FER1L6: variants seen among roughly 807,000 people sequenced by gnomAD.
FER1L6 encodes fer-1-like protein 6.
In FER1L6, 177 loss-of-function variants were observed where a neutral mutation model predicts 219.2. The ratio of observed to expected loss-of-function variants is 0.81; its 90% CI spans 0.71 to 0.91. The LOEUF is 0.91. FER1L6 is among the 40% of genes least tolerant of loss of function. The pLI, the probability that FER1L6 is intolerant of heterozygous loss-of-function variation, is 0.00. For synonymous variants in FER1L6, 768 were observed against 824.3 expected (o/e 0.93, Z 1.17); for missense variants, 2,153 against 2,259.9 (o/e 0.95, Z 0.96).
chr8:124,055,719 T>C (rs1820263446), intron 22 of FER1L6, among the ~76,000 whole-genome samples: 1 of 152,162 alleles, frequency 6.6e-6, no homozygotes, highest in Non-Finnish European at 1.5e-5. Context: ...ATTGCTGCTC[T>C]AACAAATGAC....
intron 9 of FER1L6, 37 bp from the exon 10 acceptor site, chr8:123,977,380 C>T: frequency 6.3e-7 from 1 of 1,580,240 alleles, no homozygotes; most frequent in South Asian, 1.1e-5. Flanking sequence ...TCAGTCAGTC[C>T]CTTCCATGAC....
Position 123,966,044 on chromosome 8 carries a change from A to G in FER1L6, c.235A>G (p.Arg79Gly), listed in dbSNP as rs1442595341. 3 of 1,613,730 alleles carry G rather than the reference A, an allele frequency of 1.9e-6. No homozygotes were observed. Among genetic ancestry groups the G allele is most frequent in the Non-Finnish European group, 1.7e-6 (2 of 1,179,774 alleles). The change falls in exon 4 of 41, where the codon AGA (arginine) becomes GGA (glycine). Residue 79 changes from arginine (R) to glycine (G), a missense_variant. Physicochemically the swap from Arg to Gly is moderately radical, Grantham distance 125 (BLOSUM62 -2). Transcript: ENST00000522917. ...GACTAAGATCCATGATGGGGAGGTC[A>G]GATCCCAAAATTATCAAGTAAGTGA... The part of the protein sequence containing the change: ...LLTKIHDGEV[R>G]SQNYQIAITI...
intron 1 of FER1L6, among the ~76,000 whole-genome samples, chr8:123,919,993 A>G (rs1813311396): frequency 6.6e-6 from 1 of 152,226 alleles, no homozygotes; most frequent in Non-Finnish European, 1.5e-5. Context: ...CCCCTGGCAC[A>G]TGTACACTGT....
At chr8:124,098,936 T>A (rs935355347) in intron 37 of FER1L6, among the ~76,000 whole-genome samples, 4 of 152,238 alleles carry the variant, frequency 2.6e-5, no homozygotes, top group African/African-American at 9.6e-5. Flanking sequence ...TGGTCTTATG[T>A]TTTAAAAAAT....
intron 38 of FER1L6, among the ~76,000 whole-genome samples, chr8:124,102,409 G>A (rs936547537): frequency 6.6e-6 from 1 of 152,176 alleles, no homozygotes; most frequent in African/African-American, 2.4e-5. Flanking sequence ...ACGTTTATAT[G>A]TATAGGAGAA....
chr8:124,103,028 G>C (rs964212650), intron 38 of FER1L6, 118 bp from the exon 39 acceptor site: 14 of 933,412 alleles, frequency 1.5e-5, no homozygotes, highest in Non-Finnish European at 2.2e-5. Context: ...ATCCAATATG[G>C]TACTGATTGA....
intron 15 of FER1L6, among the ~76,000 whole-genome samples, chr8:124,015,432 GAGGC>G (rs1351497514): frequency 6.6e-6 from 1 of 151,682 alleles, no homozygotes; most frequent in African/African-American, 2.4e-5. Context: ...CATCTGATGA[GAGGC>G]AGGGAGTAGC....
At chr8:123,936,066 G>A (rs183327377) in intron 1 of FER1L6, among the ~76,000 whole-genome samples, 1 of 152,274 alleles carries the variant, frequency 6.6e-6, no homozygotes, top group African/African-American at 2.4e-5. Context: ...TTGGCTGAGG[G>A]TGTGGAAAGG....
intron 27 of FER1L6, among the ~76,000 whole-genome samples, chr8:124,067,173 C>T (rs753320873): frequency 8.5e-5 from 13 of 152,238 alleles, no homozygotes; most frequent in African/African-American, 1.4e-4. Context: ...AAAATTACTC[C>T]GATGTTGTAT....
intron 1 of FER1L6, among the ~76,000 whole-genome samples, chr8:123,894,098 A>C (rs1295785139): frequency 6.6e-6 from 1 of 152,158 alleles, no homozygotes; most frequent in Non-Finnish European, 1.5e-5. Flanking sequence ...ATAAACATAG[A>C]AACTGACCCT....
At chr8:123,904,395 C>T (rs191429120) in intron 1 of FER1L6, among the ~76,000 whole-genome samples, 284 of 151,864 alleles carry the variant, frequency 1.9e-3, no homozygotes, top group African/African-American at 6.4e-3. Flanking sequence ...ACTGCACACC[C>T]GCCAGCCCCC....
chr8:123,908,680 A>T (rs1813000837), intron 1 of FER1L6, among the ~76,000 whole-genome samples: 1 of 152,222 alleles, frequency 6.6e-6, no homozygotes, highest in Non-Finnish European at 1.5e-5. Flanking sequence ...GATGAATAAG[A>T]TTGCTCATAA....
chr8:124,069,500 G>A, intron 29 of FER1L6, 25 bp downstream of exon 29: 1 of 1,527,990 alleles, frequency 6.5e-7, no homozygotes, highest in Non-Finnish European at 9.0e-7. Context: ...AGGCATCTCT[G>A]CCATGGATGG....
intron 1 of FER1L6, among the ~76,000 whole-genome samples, chr8:123,914,597 G>T (rs1383098353): frequency 6.6e-6 from 1 of 152,188 alleles, no homozygotes; most frequent in African/African-American, 2.4e-5. Context: ...CTGTGACCAG[G>T]ATCTGGATAA....
At chr8:124,033,991 T>A (rs7840702) in intron 18 of FER1L6, among the ~76,000 whole-genome samples, 129,904 of 152,066 alleles carry the variant, frequency 0.85, 55,673 homozygotes, top group African/African-American at 0.89. Context: ...GAGTTGCTCA[T>A]AATCCATTTG....
intron 2 of FER1L6, among the ~76,000 whole-genome samples, chr8:123,962,324 G>A (rs976582199): frequency 9.9e-5 from 15 of 152,224 alleles, no homozygotes; most frequent in African/African-American, 3.1e-4. Flanking sequence ...GCAGTAAATC[G>A]TTTATTGCTT....
intron 1 of FER1L6, among the ~76,000 whole-genome samples, chr8:123,893,246 C>T (rs908473279): frequency 1.1e-4 from 17 of 152,202 alleles, no homozygotes; most frequent in Admixed American, 2.0e-4. Context: ...AAGCAGGTTT[C>T]GGACAACTTT....
Position 123,980,806 on chromosome 8 carries a change from C to G in FER1L6, c.1405C>G (p.Pro469Ala). 1.9e-6 allele frequency: 3 copies of G among 1,612,460 alleles called. No individual in the cohort carries two copies. The highest frequency in any genetic ancestry group is 1.7e-5 in the Admixed American group (1 of 59,900). The change falls in exon 11 of 41, where the codon CCG becomes GCG. Residue 469 changes from proline to alanine, a missense_variant. Pro to Ala is a conservative substitution (Grantham distance 27, BLOSUM62 -1). Coordinates refer to ENST00000522917, the MANE Select transcript of FER1L6 (RefSeq NM_001039112.2). Reference sequence around the variant, plus strand: ...GGAGGTGGAATCGTTCGATGTCCCCCCGGAGGTAGGTCTAGGCACTGCATT... The same window carrying G: ...GGAGGTGGAATCGTTCGATGTCCCCGCGGAGGTAGGTCTAGGCACTGCATT... ...EVEVESFDVP[P>A]EIVPEKNEEF...
intron 1 of FER1L6, among the ~76,000 whole-genome samples, chr8:123,923,143 G>A (rs546934461): frequency 2.0e-5 from 3 of 152,300 alleles, no homozygotes; most frequent in Admixed American, 2.0e-4. Context: ...CCAAGCAGGT[G>A]TTTTGCACCA....
Sources: allele counts gnomAD v4.1 joint callset (sites outside exome capture counted in the v4.1 genomes callset), GRCh38; gene constraint gnomAD v4.1.1; transcripts MANE v1.5; gene names NCBI Gene and HGNC (gene_info 2026-07-23, HGNC 2026-07-21).